USH2A: variants seen among roughly 807,000 people sequenced by gnomAD.
The protein encoded by USH2A is Usher syndrome 2A (autosomal recessive, mild).
A neutral mutation model predicts 538.9 loss-of-function variants in USH2A; 443 were observed. The ratio of observed to expected loss-of-function variants is 0.82; its 90% CI spans 0.76 to 0.89. The LOEUF is 0.89. USH2A is among the 40% of genes least tolerant of loss of function. The probability of loss-of-function intolerance (pLI) is 0.00; values close to 1 mark genes in which losing one functional copy is unlikely to be tolerated. For missense variants in USH2A, 6,633 were observed against 6,324.8 expected (o/e 1.05, Z -1.65); for synonymous variants, 2,413 against 2,273.5 (o/e 1.06, Z -1.75).
rs549846744 is a variant in USH2A, at chr1:215,623,407, T to C, written c.*2374A>G. On this transcript the variant is annotated 3_prime_UTR_variant, in exon 72 of 72. Coordinates refer to ENST00000307340, the MANE Select transcript of USH2A (RefSeq NM_206933.4). ...GTGGAACATCAGTGGGTCTCAACAT[T>C]AGAACACCTGGAAGCTTTAAAAAGT... 1 of 152,086 alleles carries C rather than the reference T, an allele frequency of 6.6e-6. No homozygotes were observed. The highest frequency in any genetic ancestry group is 2.1e-4 in the South Asian group (1 of 4,818). 9.4% of individuals were successfully genotyped at this position (152,086 alleles called of 1,614,324 possible).
At position 216,323,520 on chromosome 1, in the gene USH2A, G is replaced by A. The variant is rs2037659986; in HGVS notation, c.1504C>T (p.Leu502Phe). Residue 502 changes from leucine (L) to phenylalanine (F), a missense_variant, in exon 8 of 72, where the codon CTC becomes TTC. Transcript: ENST00000307340. ...TCCACTGCATAATATCTGTGTCTGA[G>A]GTTAACAGCAGTCTCAGTTGTATAG... ...QYYTTETAVN[L>F]RHRYYAVDEI... 1 of 1,613,312 alleles carries A rather than the reference G, an allele frequency of 6.2e-7. No homozygotes were observed. The highest frequency in any genetic ancestry group is 1.3e-5 in the African/African-American group (1 of 74,808).
chr1:215,739,953 G>A (rs1046672265), intron 60 of USH2A, among the ~76,000 whole-genome samples: 3 of 152,220 alleles, frequency 2.0e-5, no homozygotes, highest in African/African-American at 7.2e-5. Context: ...TGCGGGGTAT[G>A]AGGATCTGAG....
At chr1:215,717,683 G>A (rs376022485) in intron 61 of USH2A, among the ~76,000 whole-genome samples, 1 of 152,174 alleles carries the variant, frequency 6.6e-6, no homozygotes, top group East Asian at 1.9e-4. Context: ...TAATGGAAGA[G>A]CCCTGTATTT....
chr1:215,840,163 CAAAAAAAAAA>C (rs60766928), intron 46 of USH2A, among the ~76,000 whole-genome samples: 253 of 29,462 alleles, frequency 8.6e-3, no homozygotes, highest in Middle Eastern at 0.062. Context: ...GACTCTGTCT[CAAAAAAAAAA>C]AAAAAAAAAA....
chr1:216,217,333 A>G, intron 15 of USH2A, 54 bp downstream of exon 15: 1 of 1,603,842 alleles, frequency 6.2e-7, no homozygotes, highest in South Asian at 1.1e-5. Flanking sequence ...AATGAGATGC[A>G]GTCCCCTGTA....
intron 61 of USH2A, among the ~76,000 whole-genome samples, chr1:215,722,904 C>T (rs937381316): frequency 3.9e-4 from 60 of 152,258 alleles, no homozygotes; most frequent in African/African-American, 1.3e-3. Context: ...TTATTTCTGC[C>T]AGCACAATGG....
At chr1:216,230,907 C>A (rs897841178) in intron 14 of USH2A, among the ~76,000 whole-genome samples, 3 of 151,616 alleles carry the variant, frequency 2.0e-5, no homozygotes, top group African/African-American at 7.3e-5. Context: ...CTCACACACA[C>A]ACACACACAC....
At chr1:215,827,924 T>C (rs1219809789) in intron 47 of USH2A, among the ~76,000 whole-genome samples, 3 of 152,156 alleles carry the variant, frequency 2.0e-5, no homozygotes, top group African/African-American at 7.2e-5. Flanking sequence ...TTTTTTCTTT[T>C]AATTTTACAA....
intron 19 of USH2A, chr1:216,195,606 T>A (rs571848373): frequency 7.2e-4 from 110 of 152,060 alleles, no homozygotes; most frequent in African/African-American, 2.5e-3. Context: ...GGCAGTGGCT[T>A]GGAAATATTG....
At chr1:216,039,345 T>A (rs1204138156) in intron 32 of USH2A, among the ~76,000 whole-genome samples, 2 of 151,974 alleles carry the variant, frequency 1.3e-5, no homozygotes, top group Non-Finnish European at 2.9e-5. Flanking sequence ...GTCCTTAAAG[T>A]TTCTCAGACT....
At chr1:215,828,393 T>C (rs1663215711) in intron 47 of USH2A, among the ~76,000 whole-genome samples, 1 of 152,152 alleles carries the variant, frequency 6.6e-6, no homozygotes. Context: ...AGGTCAAGGC[T>C]GCAGTGAGCT....
At chr1:216,178,010 T>G (rs2102643816) in intron 20 of USH2A, among the ~76,000 whole-genome samples, 1 of 152,194 alleles carries the variant, frequency 6.6e-6, no homozygotes, top group South Asian at 2.1e-4. Context: ...TAAATATAAA[T>G]CAAAATGATG....
chr1:216,089,198 C>T (rs1204751105), intron 22 of USH2A, 59 bp from the exon 23 acceptor site: 2 of 1,536,242 alleles, frequency 1.3e-6, no homozygotes, highest in African/African-American at 1.4e-5. Context: ...AATAAACACA[C>T]ACATATTTGT....
At chr1:216,277,256 C>T (rs1342010720) in intron 11 of USH2A, among the ~76,000 whole-genome samples, 1 of 152,082 alleles carries the variant, frequency 6.6e-6, no homozygotes, top group Admixed American at 6.6e-5. Flanking sequence ...ATGTAGGAGG[C>T]AGTAATTGTT....
At chr1:215,640,844 C>CAAAAAAAAAAAAAAAAA (rs56212994) in intron 67 of USH2A, 110 bp from the exon 68 acceptor site, 1 of 452,312 alleles carries the variant, frequency 2.2e-6, no homozygotes, top group African/African-American at 2.7e-5. Flanking sequence ...CCAATCCAAA[C>CAAAAAAAAAAAAAAAAA]AAAAAAAAAA....
chr1:216,392,969 C>T (rs559527000), intron 3 of USH2A, among the ~76,000 whole-genome samples: 11 of 152,270 alleles, frequency 7.2e-5, no homozygotes, highest in African/African-American at 2.6e-4. Flanking sequence ...TAAGGATAGA[C>T]ACCATGGCTT....
intron 32 of USH2A, among the ~76,000 whole-genome samples, chr1:216,007,569 G>T (rs543019351): frequency 6.6e-6 from 1 of 152,324 alleles, no homozygotes; most frequent in South Asian, 2.1e-4. Context: ...TAGAGTCCCA[G>T]GTCGGGGGCA....
At chr1:215,771,407 C>A (rs1340949049) in intron 55 of USH2A, among the ~76,000 whole-genome samples, 1 of 149,956 alleles carries the variant, frequency 6.7e-6, no homozygotes, top group Non-Finnish European at 1.5e-5. Context: ...GGTGAAACCC[C>A]GTCTCTACTA....
rs61304768 is a variant in USH2A at position 215,743,386 on chromosome 1, ATGTGTG to A, written c.11390-57_11390-52del. Reference sequence around the variant, plus strand: ...ACATTAAAAACATATATATATATATATGTGTGTGTGTGTGTGTGTGTGTGTGTGTGT... The same window carrying A: ...ACATTAAAAACATATATATATATATATGTGTGTGTGTGTGTGTGTGTGTGT... On this transcript the variant is annotated intron_variant, in intron 58 of 71. Coordinates refer to ENST00000307340, the MANE Select transcript of USH2A (RefSeq NM_206933.4). 5.3e-3 allele frequency: 1,727 copies of A among 328,218 alleles called. 134 individuals are homozygous for A. The highest frequency in any genetic ancestry group is 0.045 in the African/African-American group (1,391 of 30,718). The allele number at this position is 328,218 out of a possible 1,614,324, so 20.3% of individuals were successfully genotyped here.
Sources: allele counts gnomAD v4.1 joint callset (sites outside exome capture counted in the v4.1 genomes callset), GRCh38; gene constraint gnomAD v4.1.1; transcripts MANE v1.5; gene names NCBI Gene and HGNC (gene_info 2026-07-23, HGNC 2026-07-21).